MIPOL1: variants seen among roughly 807,000 people sequenced by gnomAD.
MIPOL1 encodes mirror-image polydactyly 1.
In MIPOL1, 57 loss-of-function variants were observed where a neutral mutation model predicts 60.9. The observed-to-expected ratio is 0.94, with a 90% CI of 0.76 to 1.17. The LOEUF (loss-of-function observed/expected upper bound fraction) is 1.17, where lower values mean the gene tolerates loss of function less well. Ranked by LOEUF, MIPOL1 falls within the 50% of genes most tolerant of loss-of-function variation. MIPOL1 has a pLI of 0.00. For missense variants in MIPOL1, 551 were observed against 511.6 expected, an observed-to-expected ratio of 1.08 and a Z score of -0.74; for synonymous variants, 179 against 168.8, an observed-to-expected ratio of 1.06 and a Z score of -0.47.
At position 37,266,944 on chromosome 14, in the gene MIPOL1, C is replaced by T. The variant is rs558421762; in HGVS notation, c.26C>T (p.Thr9Ile). Reference protein sequence around the residue: MENWSKDITHSYLEQETTG... With the variant: MENWSKDIIHSYLEQETTG... ...TTTGTTTGTTTAAATACAGACATAA[C>T]CCACAGTTATCTTGAACAAGAAACT... Residue 9 changes from threonine (T) to isoleucine (I), a missense_variant, in exon 4 of 13, where the codon ACC (threonine) becomes ATC (isoleucine). Thr to Ile is a moderately conservative substitution (Grantham distance 89). Coordinates refer to ENST00000684589, the MANE Select transcript of MIPOL1 (RefSeq NM_001388067.1). 1.4e-4 allele frequency: 224 copies of T among 1,608,452 alleles called. No homozygotes were observed. The highest frequency in any genetic ancestry group is 2.5e-4 in the Admixed American group (15 of 59,906).
At chr14:37,353,856 A>G (rs1383050562) in intron 9 of MIPOL1, among the ~76,000 whole-genome samples, 6 of 152,082 alleles carry the variant, frequency 3.9e-5, no homozygotes, top group African/African-American at 1.4e-4. Flanking sequence ...TCAAAAAACC[A>G]GCTCCTGGAT....
At chr14:37,337,087 T>G (rs1028341479) in intron 9 of MIPOL1, among the ~76,000 whole-genome samples, 1 of 151,808 alleles carries the variant, frequency 6.6e-6, no homozygotes, top group Admixed American at 6.6e-5. Flanking sequence ...GTCTTTTTTT[T>G]CCCCCTTGGT....
intron 10 of MIPOL1, among the ~76,000 whole-genome samples, chr14:37,410,584 A>G (rs927211482): frequency 6.6e-6 from 1 of 152,178 alleles, no homozygotes; most frequent in African/African-American, 2.4e-5. Context: ...AACACAAAAG[A>G]AAAGTGACTA....
At chr14:37,485,408 A>G (rs1315053406) in intron 11 of MIPOL1, among the ~76,000 whole-genome samples, 1 of 152,182 alleles carries the variant, frequency 6.6e-6, no homozygotes, top group Non-Finnish European at 1.5e-5. Context: ...GAATTGCTAC[A>G]CTGTCTTCCA....
intron 11 of MIPOL1, among the ~76,000 whole-genome samples, chr14:37,489,330 A>G (rs1594677306): frequency 6.6e-6 from 1 of 152,130 alleles, no homozygotes; most frequent in East Asian, 1.9e-4. Flanking sequence ...TAAACTGGTT[A>G]TTCTAGTTAG....
chr14:37,321,014 A>C lies in MIPOL1; in HGVS notation c.828+12495A>C, dbSNP rs191651803. Among the ~76,000 whole-genome samples the C allele has an allele frequency of 1.4e-3, 214 of 152,100 alleles. 2 individuals carry two copies. Among genetic ancestry groups the C allele is most frequent in the Admixed American group, 1.7e-3 (26 of 15,260 alleles). ...TTTCTGTAGCATTATAGTAAGTCTTAATTTGTGATAGTGTAAGGATCCAGC... is the reference window on the plus strand; with the variant it reads ...TTTCTGTAGCATTATAGTAAGTCTTCATTTGTGATAGTGTAAGGATCCAGC... On this transcript the variant is annotated intron_variant, in intron 9 of 12. Transcript: ENST00000684589.
At chr14:37,293,682 G>A (rs1222665416) in intron 7 of MIPOL1, among the ~76,000 whole-genome samples, 1 of 152,138 alleles carries the variant, frequency 6.6e-6, no homozygotes, top group Non-Finnish European at 1.5e-5. Context: ...AGATCGGAGG[G>A]TCCTATGCCC....
intron 9 of MIPOL1, among the ~76,000 whole-genome samples, chr14:37,350,587 T>A (rs1358492407): frequency 6.6e-6 from 1 of 152,090 alleles, no homozygotes; most frequent in Non-Finnish European, 1.5e-5. Context: ...AAACAATCAG[T>A]TATATTCTTT....
chr14:37,481,611 A>ACACCCC (rs1216175293), intron 11 of MIPOL1, among the ~76,000 whole-genome samples: 2 of 142,412 alleles, frequency 1.4e-5, no homozygotes, highest in African/African-American at 5.3e-5. Flanking sequence ...ACACACACAC[A>ACACCCC]CCGAAACCAC....
Position 37,438,304 on chromosome 14 carries a change from T to C in MIPOL1, c.1031+15355T>C, listed in dbSNP as rs572463582. On this transcript the variant is annotated intron_variant, in intron 11 of 12. Transcript: ENST00000684589. Reference sequence around the variant, plus strand: ...ACTGTTACCCTAGAAAATACAGATATAATTTTTAAAGCTACGTTTGTAATT... The same window carrying C: ...ACTGTTACCCTAGAAAATACAGATACAATTTTTAAAGCTACGTTTGTAATT... 3.9e-5 allele frequency among the ~76,000 whole-genome samples: 6 copies of C among 152,338 alleles called. No individual in the cohort carries two copies. The East Asian group carries it at 1.2e-3, about 29-fold the overall frequency.
intron 9 of MIPOL1, among the ~76,000 whole-genome samples, chr14:37,364,558 G>A (rs963266769): frequency 2.6e-5 from 4 of 151,998 alleles, no homozygotes; most frequent in Non-Finnish European, 4.4e-5. Context: ...TTTGTTTCTG[G>A]GTTTTCTATT....
intron 7 of MIPOL1, among the ~76,000 whole-genome samples, chr14:37,304,723 G>A (rs543695118): frequency 2.0e-5 from 3 of 151,890 alleles, no homozygotes; most frequent in East Asian, 1.9e-4. Context: ...CAAGAAATGC[G>A]ACATTTCACG....
chr14:37,358,106 T>G (rs2091971405), intron 9 of MIPOL1, among the ~76,000 whole-genome samples: 1 of 152,110 alleles, frequency 6.6e-6, no homozygotes, highest in South Asian at 2.1e-4. Flanking sequence ...TTCCTGTCCT[T>G]CTGAAAATTT....
chr14:37,524,853 C>A (rs867972251), intron 12 of MIPOL1, among the ~76,000 whole-genome samples: 2 of 152,086 alleles, frequency 1.3e-5, no homozygotes, highest in Middle Eastern at 6.8e-3. Flanking sequence ...CAAGCATGAA[C>A]CACCGCACCC....
intron 10 of MIPOL1, among the ~76,000 whole-genome samples, chr14:37,415,298 A>T (rs1423153454): frequency 6.6e-6 from 1 of 152,074 alleles, no homozygotes; most frequent in Admixed American, 6.5e-5. Flanking sequence ...ATTTAAATCA[A>T]ATTAGATAAT....
chr14:37,393,488 A>G (rs2093300433), intron 10 of MIPOL1, among the ~76,000 whole-genome samples: 1 of 151,764 alleles, frequency 6.6e-6, no homozygotes, highest in Non-Finnish European at 1.5e-5. Flanking sequence ...TTGTTGCAAC[A>G]TACATATAAC....
intron 9 of MIPOL1, among the ~76,000 whole-genome samples, chr14:37,332,143 A>G (rs1254235233): frequency 6.6e-6 from 1 of 152,164 alleles, no homozygotes; most frequent in African/African-American, 2.4e-5. Context: ...TCTCAAAAAA[A>G]AAAAGGCACT....
At chr14:37,290,873 G>A (rs144694416) in intron 7 of MIPOL1, among the ~76,000 whole-genome samples, 4 of 151,806 alleles carry the variant, frequency 2.6e-5, no homozygotes, top group Admixed American at 1.3e-4. Flanking sequence ...CATGCCCCAC[G>A]CTCCAGTAGG....
chr14:37,315,813 A>C (rs1788812399), intron 9 of MIPOL1, among the ~76,000 whole-genome samples: 3 of 152,082 alleles, frequency 2.0e-5, no homozygotes, highest in African/African-American at 7.2e-5. Flanking sequence ...GGATAAGTAA[A>C]ACTGTGGGAC....
Sources: gnomAD v4.1 joint callset for allele counts (sites outside exome capture counted in the v4.1 genomes callset) on GRCh38, gnomAD v4.1.1 for gene constraint, MANE v1.5 for transcripts, NCBI Gene and HGNC (gene_info 2026-07-23, HGNC 2026-07-21) for gene names.